The following PAK1 variants were observed in gnomAD, a reference collection of about 807,000 sequenced individuals.
The protein encoded by PAK1 is p21 (RAC1) activated kinase 1.
In PAK1, 29 loss-of-function variants were observed where a neutral mutation model predicts 67.4. The ratio of observed to expected loss-of-function variants is 0.43; its 90% CI spans 0.32 to 0.59. The LOEUF (loss-of-function observed/expected upper bound fraction) is 0.59, where lower values mean the gene tolerates loss of function less well. Ranked by LOEUF, PAK1 falls within the 20% of genes least tolerant of loss-of-function variation. The probability of loss-of-function intolerance (pLI) is 0.07; values close to 1 mark genes in which losing one functional copy is unlikely to be tolerated. For missense variants in PAK1, 337 were observed against 670.7 expected, an observed-to-expected ratio of 0.50 and a Z score of 5.50; for synonymous variants, 223 against 237.4, an observed-to-expected ratio of 0.94 and a Z score of 0.56.
chr11:77,479,790 T>C, the PAK1 span, among the ~76,000 whole-genome samples: 1 of 151,710 alleles, frequency 6.6e-6, no homozygotes, highest in Non-Finnish European at 1.5e-5. Flanking sequence ...GTATTTTTAG[T>C]GGAGATGAGG....
In PAK1 at chr11:77,323,205, T is replaced by G; in HGVS notation, c.*69A>C. 2.5e-6 allele frequency: 4 copies of G among 1,606,304 alleles called. No homozygotes were observed. The highest frequency in any genetic ancestry group is 1.7e-6 in the Non-Finnish European group (2 of 1,176,118). ...GGCAAGGAGAAGAGGGCATCAGGAG[T>G]TGGAATTTCTGAAATGTGCATTTAT... On this transcript the variant is annotated 3_prime_UTR_variant, in exon 15 of 15. Coordinates refer to ENST00000356341, the MANE Select transcript of PAK1 (RefSeq NM_002576.5).
intron 10 of PAK1, among the ~76,000 whole-genome samples, chr11:77,342,350 A>G (rs1299429663): frequency 6.6e-6 from 1 of 152,218 alleles, no homozygotes; most frequent in South Asian, 2.1e-4. Flanking sequence ...AAACAAATCT[A>G]TAAGTCTCTT....
intron 1 of PAK1, among the ~76,000 whole-genome samples, chr11:77,457,212 T>C (rs1957121363): frequency 6.6e-6 from 1 of 152,094 alleles, no homozygotes; most frequent in Non-Finnish European, 1.5e-5. Flanking sequence ...GAAGAGAAAA[T>C]TATATTTACA....
In PAK1 at chr11:77,332,269, G is replaced by A. The variant is rs188944775; in HGVS notation, c.1551+461C>T. On this transcript the variant is annotated intron_variant, in intron 14 of 14. Transcript: ENST00000356341. ...GAAGACTGCAGTGAGACAAAATCAC[G>A]CCATTGCACACTCCTGCCTGGGTGA... Among the ~76,000 whole-genome samples, 531 of 118,908 alleles carry A rather than the reference G, an allele frequency of 4.5e-3. 10 individuals are homozygous for A. The highest frequency in any genetic ancestry group is 0.017 in the African/African-American group (510 of 30,380). The allele number at this position is 118,908 out of a possible 152,430, so 78.0% of individuals were successfully genotyped here.
At chr11:77,340,575 T>C in intron 11 of PAK1, 71 bp downstream of exon 11, 1 of 805,584 alleles carries the variant, frequency 1.2e-6, no homozygotes, top group Non-Finnish European at 2.3e-6. Flanking sequence ...GATCTCACTG[T>C]ACAGGGAACT....
At chr11:77,328,528 A>G (rs1052814428) in intron 14 of PAK1, among the ~76,000 whole-genome samples, 3 of 152,244 alleles carry the variant, frequency 2.0e-5, no homozygotes, top group African/African-American at 7.2e-5. Context: ...CCTGCTCCCG[A>G]ATGACTACTG....
rs1335413618 is a variant in PAK1, at chr11:77,323,161, C to T, written c.*113G>A. ...ATCAAAGTCTTGAGGAGTGCTAGATCAGGAAATGGGAGAAGCAAGGCAAGG... is the reference window on the plus strand; with the variant it reads ...ATCAAAGTCTTGAGGAGTGCTAGATTAGGAAATGGGAGAAGCAAGGCAAGG... On this transcript the variant is annotated 3_prime_UTR_variant, in exon 15 of 15. Coordinates refer to ENST00000356341, the MANE Select transcript of PAK1 (RefSeq NM_002576.5). 1.3e-6 allele frequency: 2 copies of T among 1,558,364 alleles called. No individual in the cohort carries two copies. Among genetic ancestry groups the T allele is most frequent in the African/African-American group, 1.4e-5 (1 of 73,394 alleles).
At chr11:77,386,187 A>C (rs1379630244) in intron 2 of PAK1, among the ~76,000 whole-genome samples, 2 of 152,224 alleles carry the variant, frequency 1.3e-5, no homozygotes, top group African/African-American at 4.8e-5. Flanking sequence ...TGGTATAGCC[A>C]TCAAAGTTTC....
chr11:77,518,484 T>C, the PAK1 span, among the ~76,000 whole-genome samples: 2 of 152,206 alleles, frequency 1.3e-5, no homozygotes, highest in Non-Finnish European at 2.9e-5. Flanking sequence ...CTAAAAATTA[T>C]TCCCCAGTGA....
At chr11:77,488,442 CT>C in the PAK1 span, among the ~76,000 whole-genome samples, 1 of 152,122 alleles carries the variant, frequency 6.6e-6, no homozygotes, top group African/African-American at 2.4e-5. Context: ...ACCAAATGAA[CT>C]AAATCAGGCA....
intron 1 of PAK1, among the ~76,000 whole-genome samples, chr11:77,447,215 G>A (rs1323056851): frequency 6.6e-6 from 1 of 152,140 alleles, no homozygotes; most frequent in Admixed American, 6.6e-5. Context: ...CTACATTTTG[G>A]CCTTCTTTAC....
intron 1 of PAK1, among the ~76,000 whole-genome samples, chr11:77,404,572 G>C (rs1003599580): frequency 2.6e-5 from 4 of 152,194 alleles, no homozygotes; most frequent in East Asian, 3.9e-4. Flanking sequence ...CGGCCAATGA[G>C]CTTACTTTCA....
chr11:77,456,774 C>T (rs1389628945), intron 1 of PAK1, among the ~76,000 whole-genome samples: 5 of 151,692 alleles, frequency 3.3e-5, no homozygotes, highest in Non-Finnish European at 7.4e-5. Context: ...CGGAGTCTCG[C>T]ACTGCCACCC....
chr11:77,502,984 A>C, the PAK1 span, among the ~76,000 whole-genome samples: 1 of 152,162 alleles, frequency 6.6e-6, no homozygotes, highest in Admixed American at 6.5e-5. Context: ...CTTATGGAGG[A>C]AAACAATAAC....
At chr11:77,373,555 G>A (rs549269194) in intron 5 of PAK1, among the ~76,000 whole-genome samples, 4 of 123,104 alleles carry the variant, frequency 3.2e-5, no homozygotes, top group East Asian at 4.5e-4. Flanking sequence ...GCAAAACCTC[G>A]TCTCTTTAAA....
chr11:77,407,863 T>G (rs927330133), intron 1 of PAK1, among the ~76,000 whole-genome samples: 16 of 152,296 alleles, frequency 1.1e-4, no homozygotes, highest in South Asian at 2.1e-4. Flanking sequence ...TCCAAGGTAA[T>G]GAGTGTTTGT....
At chr11:77,398,704 G>A (rs1244583337) in intron 1 of PAK1, among the ~76,000 whole-genome samples, 3 of 152,132 alleles carry the variant, frequency 2.0e-5, no homozygotes, top group Admixed American at 2.0e-4. Flanking sequence ...ACCCAGCTGT[G>A]GGATTGCTGG....
chr11:77,329,482 C>T (rs541725933), intron 14 of PAK1, among the ~76,000 whole-genome samples: 11 of 152,270 alleles, frequency 7.2e-5, no homozygotes, highest in Admixed American at 1.3e-4. Context: ...GTTCAACATA[C>T]GCAAATCAAT....
At chr11:77,431,992 A>G (rs113181483) in intron 1 of PAK1, among the ~76,000 whole-genome samples, 4,901 of 152,254 alleles carry the variant, frequency 0.032, 131 homozygotes, top group African/African-American at 0.074. Flanking sequence ...CTAAAGTTTA[A>G]GCCTGTGTGG....
Sources: allele counts gnomAD v4.1 joint callset (sites outside exome capture counted in the v4.1 genomes callset), GRCh38; gene constraint gnomAD v4.1.1; transcripts MANE v1.5; gene names NCBI Gene and HGNC (gene_info 2026-07-23, HGNC 2026-07-21).